ANKIB1: variants seen among roughly 807,000 people sequenced by gnomAD.
The protein encoded by ANKIB1 is ankyrin repeat and IBR domain-containing protein 1.
Under a neutral mutation model 122.1 loss-of-function variants are expected in ANKIB1, and 43 were observed. That is an observed-to-expected ratio of 0.35 (90% CI 0.28 to 0.45). The LOEUF (loss-of-function observed/expected upper bound fraction) is 0.45, where lower values mean the gene tolerates loss of function less well. Among genes scored for constraint, ANKIB1 ranks in the 20% least tolerant of loss-of-function variants. ANKIB1 has a pLI of 1.00. For missense variants in ANKIB1, 992 were observed against 1,329.5 expected (o/e 0.75, Z 3.95); for synonymous variants, 390 against 442.0 (o/e 0.88, Z 1.48).
intron 5 of ANKIB1, among the ~76,000 whole-genome samples, chr7:92,336,281 T>A (rs912278755): frequency 4.7e-4 from 70 of 149,310 alleles, no homozygotes; most frequent in African/African-American, 1.6e-3. Context: ...ACAGTAAAAA[T>A]TTTTTTTTTT....
intron 2 of ANKIB1, 119 bp downstream of exon 2, chr7:92,295,285 A>G (rs1585093300): frequency 1.6e-6 from 1 of 610,458 alleles, no homozygotes; most frequent in Non-Finnish European, 2.5e-6. Context: ...GACATGATAT[A>G]TATACAAACA....
At chr7:92,309,942 A>AAAAAAAAATATATATATATATATAT (rs1335765681) in intron 3 of ANKIB1, among the ~76,000 whole-genome samples, 3 of 91,784 alleles carry the variant, frequency 3.3e-5, no homozygotes, top group African/African-American at 1.5e-4. Context: ...AAAAAAAAAA[A>AAAAAAAAATATATATATATATATAT]ATATATATAT....
rs745642214 is a variant in ANKIB1 at position 92,246,494 on chromosome 7, C to A, written c.-116C>A. 1.9e-6 allele frequency: 1 copy of A among 518,500 alleles called. No homozygotes were observed. Among genetic ancestry groups the A allele is most frequent in the East Asian group, 5.5e-5 (1 of 18,334 alleles). 32.1% of individuals were successfully genotyped at this position (518,500 alleles called of 1,614,324 possible). A position where few individuals can be genotyped will look rare whatever the true frequency, so the allele number is the denominator to read the frequency against. ...CTGCGGAGTTGCTGGGTCCACCGAC[C>A]CTTACCCTCAGCGAGAGAAGTAACC... is the stretch of plus-strand genomic sequence containing the variant. On this transcript the variant is annotated 5_prime_UTR_variant, in exon 1 of 20. Coordinates refer to ENST00000265742, the MANE Select transcript of ANKIB1 (RefSeq NM_019004.2).
intron 11 of ANKIB1, among the ~76,000 whole-genome samples, chr7:92,375,862 G>A (rs1804367992): frequency 2.0e-5 from 3 of 152,216 alleles, no homozygotes; most frequent in Admixed American, 6.5e-5. Flanking sequence ...AATAAGACTT[G>A]AAAGTCAAAA....
chr7:92,246,423 T>A lies in ANKIB1; in HGVS notation c.-187T>A, dbSNP rs752190125. ...GGGTGGGTGGGGCGGGCTGGGTACC[T>A]GAGGTCACCAGCTCGGCTGTAGAGG... On this transcript the variant is annotated 5_prime_UTR_variant, in exon 1 of 20. Transcript: ENST00000265742. 1.2e-5 allele frequency: 6 copies of A among 515,350 alleles called. No homozygotes were observed. The highest frequency in any genetic ancestry group is 1.2e-4 in the African/African-American group (6 of 51,862). The allele number at this position is 515,350 out of a possible 1,614,324, so 31.9% of individuals were successfully genotyped here.
intron 10 of ANKIB1, among the ~76,000 whole-genome samples, chr7:92,365,949 C>T (rs1419200703): frequency 6.6e-6 from 1 of 151,504 alleles, no homozygotes; most frequent in African/African-American, 2.4e-5. Flanking sequence ...GCACCTGCCA[C>T]CATGCCCGGC....
intron 2 of ANKIB1, among the ~76,000 whole-genome samples, chr7:92,295,835 G>A (rs969547952): frequency 2.0e-5 from 3 of 151,952 alleles, no homozygotes; most frequent in African/African-American, 4.8e-5. Context: ...TAATCACATG[G>A]GAATTACATT....
chr7:92,252,283 A>G (rs541848152), intron 1 of ANKIB1, among the ~76,000 whole-genome samples: 1 of 152,162 alleles, frequency 6.6e-6, no homozygotes, highest in Non-Finnish European at 1.5e-5. Context: ...GGTGTCATTG[A>G]TGACTCCCAC....
chr7:92,323,380 A>G (rs1802954693), intron 4 of ANKIB1, among the ~76,000 whole-genome samples: 1 of 152,032 alleles, frequency 6.6e-6, no homozygotes, highest in Admixed American at 6.6e-5. Context: ...TGCATTTTCT[A>G]TGAAGTTTGT....
In ANKIB1 at chr7:92,398,999, AG is replaced by A; in HGVS notation, c.*52del. 6.7e-7 allele frequency: 1 copy of A among 1,494,370 alleles called. No individual in the cohort carries two copies. Among genetic ancestry groups the A allele is most frequent in the Non-Finnish European group, 8.9e-7 (1 of 1,121,676 alleles). 92.6% of individuals were successfully genotyped at this position (1,494,370 alleles called of 1,614,324 possible). A position where few individuals can be genotyped will look rare whatever the true frequency, so the allele number is the denominator to read the frequency against. ...GAATTACAGGTACAGATGGTATGCT[AG>A]GTGGAGTATGCTTGATAGAGACTTT... On this transcript the variant is annotated 3_prime_UTR_variant, in exon 20 of 20. Coordinates refer to ENST00000265742, the MANE Select transcript of ANKIB1 (RefSeq NM_019004.2).
chr7:92,315,978 G>T (rs980458495), intron 3 of ANKIB1, among the ~76,000 whole-genome samples: 2 of 152,138 alleles, frequency 1.3e-5, no homozygotes, highest in Non-Finnish European at 2.9e-5. Context: ...AAGGGATGGG[G>T]TAGGGTTTGT....
At chr7:92,353,778 A>G (rs1048965893) in intron 9 of ANKIB1, among the ~76,000 whole-genome samples, 1 of 152,188 alleles carries the variant, frequency 6.6e-6, no homozygotes, top group Non-Finnish European at 1.5e-5. Flanking sequence ...ACACCATTTC[A>G]TGTCACTTTA....
intron 1 of ANKIB1, among the ~76,000 whole-genome samples, chr7:92,271,556 T>C (rs1410664772): frequency 3.3e-5 from 5 of 152,116 alleles, no homozygotes; most frequent in Non-Finnish European, 7.4e-5. Context: ...AATTGACACC[T>C]CTAACTATGT....
chr7:92,248,337 G>A (rs1424525232), intron 1 of ANKIB1, among the ~76,000 whole-genome samples: 4 of 152,090 alleles, frequency 2.6e-5, no homozygotes, highest in African/African-American at 7.2e-5. Context: ...CCTGAAACAT[G>A]GGAGGGAAGT....
chr7:92,311,232 A>T (rs1458628346), intron 3 of ANKIB1, among the ~76,000 whole-genome samples: 1 of 152,172 alleles, frequency 6.6e-6, no homozygotes, highest in East Asian at 1.9e-4. Context: ...AATGTTTCAT[A>T]AAACTAAGAG....
chr7:92,356,629 A>G (rs1803819846), intron 9 of ANKIB1, among the ~76,000 whole-genome samples: 1 of 152,228 alleles, frequency 6.6e-6, no homozygotes, highest in African/African-American at 2.4e-5. Flanking sequence ...TCTGCCACTA[A>G]CTAGCTCTGT....
At chr7:92,365,132 G>C (rs558734372) in intron 10 of ANKIB1, among the ~76,000 whole-genome samples, 1 of 152,298 alleles carries the variant, frequency 6.6e-6, no homozygotes, top group African/African-American at 2.4e-5. Context: ...GAATACAGAA[G>C]TAAATGCCCT....
chr7:92,351,002 G>A lies in ANKIB1; in HGVS notation c.1138G>A (p.Ala380Thr). Residue 380 changes from alanine to threonine, a missense_variant, in exon 8 of 20, where the codon GCA becomes ACA. Ala to Thr is a moderately conservative substitution (Grantham distance 58, BLOSUM62 0). Transcript: ENST00000265742. ...TGAAGCTCACAACATTTTTTGCCCT[G>A]CATATGATTGCTTCCAACTTGTACC... is the stretch of plus-strand genomic sequence containing the variant. ...EGEAHNIFCP[A>T]YDCFQLVPVD... 6.2e-7 allele frequency: 1 copy of A among 1,605,662 alleles called. No homozygotes were observed. The highest frequency in any genetic ancestry group is 8.5e-7 in the Non-Finnish European group (1 of 1,175,998).
In ANKIB1 at chr7:92,246,306, G is replaced by A; in HGVS notation, c.-304G>A. On this transcript the variant is annotated 5_prime_UTR_variant, in exon 1 of 20. Transcript: ENST00000265742. ...GCCGCGGGCGCCTTCGGCTCACGCA[G>A]CGCTTCCCGCGGGCCGCCAGTGCGC... 1 of 410,326 alleles carries A rather than the reference G, an allele frequency of 2.4e-6. No homozygotes were observed. The allele number at this position is 410,326 out of a possible 1,614,324, so 25.4% of individuals were successfully genotyped here.
Sources: allele counts gnomAD v4.1 joint callset (sites outside exome capture counted in the v4.1 genomes callset), GRCh38; gene constraint gnomAD v4.1.1; transcripts MANE v1.5; gene names NCBI Gene and HGNC (gene_info 2026-07-23, HGNC 2026-07-21).